Variants in PLPP4 observed in about 807,000 individuals in gnomAD.
PLPP4 encodes the protein phospholipid phosphatase 4.
In PLPP4, 20 loss-of-function variants were observed where a neutral mutation model predicts 32.2. The observed-to-expected ratio is 0.62, with a 90% confidence interval of 0.44 to 0.90. PLPP4 has a LOEUF of 0.90. PLPP4 is among the 40% of genes least tolerant of loss of function. The probability of loss-of-function intolerance (pLI) is 0.00; values close to 1 mark genes in which losing one functional copy is unlikely to be tolerated. For synonymous variants in PLPP4, 127 were observed against 133.0 expected, an observed-to-expected ratio of 0.95 and a Z score of 0.31; for missense variants, 257 against 353.1, an observed-to-expected ratio of 0.73 and a Z score of 2.18.
In PLPP4 at chr10:120,575,676, A is replaced by G. The variant is rs145579761; in HGVS notation, c.616+375A>G. On this transcript the variant is annotated intron_variant, in intron 6 of 6. Coordinates refer to ENST00000398250, the MANE Select transcript of PLPP4 (RefSeq NM_001030059.3). ...GTTTTTGGCTTCCTTTGCTTATCAA[A>G]TCCAGCCTACAAGGACGTATTTGTC... 3.3e-5 allele frequency among the ~76,000 whole-genome samples: 5 copies of G among 152,148 alleles called. No individual in the cohort carries two copies. In the East Asian group the frequency reaches 7.7e-4, roughly 24 times the overall value.
chr10:120,541,899 C>T (rs958475454), intron 5 of PLPP4, among the ~76,000 whole-genome samples: 44 of 152,108 alleles, frequency 2.9e-4, no homozygotes, highest in African/African-American at 1.0e-3. Context: ...CTCAGCCTCC[C>T]GAGTAGCTGA....
At chr10:120,547,558 T>G (rs1847686560) in intron 5 of PLPP4, among the ~76,000 whole-genome samples, 1 of 152,240 alleles carries the variant, frequency 6.6e-6, no homozygotes, top group Non-Finnish European at 1.5e-5. Flanking sequence ...TTCCGTTGTT[T>G]CCATCAACAA....
At chr10:120,457,976 G>C (rs1157551181) in intron 1 of PLPP4, among the ~76,000 whole-genome samples, 1 of 152,252 alleles carries the variant, frequency 6.6e-6, no homozygotes, top group Non-Finnish European at 1.5e-5. Flanking sequence ...GTCCGCTTTG[G>C]GGGCGGAGGC....
chr10:120,525,662 T>C (rs1846357258), intron 5 of PLPP4, among the ~76,000 whole-genome samples: 1 of 152,226 alleles, frequency 6.6e-6, no homozygotes, highest in African/African-American at 2.4e-5. Context: ...CTTTATCTTG[T>C]AGTTTCCCAT....
intron 6 of PLPP4, among the ~76,000 whole-genome samples, chr10:120,588,262 C>CT (rs1385372919): frequency 1.3e-5 from 2 of 152,202 alleles, no homozygotes; most frequent in Non-Finnish European, 2.9e-5. Context: ...ATGTGAGCTG[C>CT]TTTTATGAGG....
chr10:120,476,004 G>A (rs1475051650), intron 1 of PLPP4, among the ~76,000 whole-genome samples: 1 of 152,168 alleles, frequency 6.6e-6, no homozygotes, highest in Non-Finnish European at 1.5e-5. Context: ...GGGTCCTACT[G>A]TGCCAGGCAC....
chr10:120,465,337 T>A (rs1848263194), intron 1 of PLPP4, among the ~76,000 whole-genome samples: 1 of 152,158 alleles, frequency 6.6e-6, no homozygotes, highest in Admixed American at 6.5e-5. Flanking sequence ...TTGGGATGCC[T>A]GGGGCGAGTG....
At chr10:120,520,655 G>C (rs1846110482) in intron 4 of PLPP4, among the ~76,000 whole-genome samples, 2 of 152,130 alleles carry the variant, frequency 1.3e-5, no homozygotes, top group African/African-American at 4.8e-5. Flanking sequence ...CTATCCACAG[G>C]ACCTCAGCTT....
intron 2 of PLPP4, among the ~76,000 whole-genome samples, chr10:120,509,343 C>T (rs1845634514): frequency 6.6e-6 from 1 of 152,188 alleles, no homozygotes; most frequent in Admixed American, 6.5e-5. Context: ...TAGGGCTGAA[C>T]TCACCTCTCC....
At chr10:120,463,509 T>C (rs1429329349) in intron 1 of PLPP4, among the ~76,000 whole-genome samples, 1 of 152,174 alleles carries the variant, frequency 6.6e-6, no homozygotes, top group Non-Finnish European at 1.5e-5. Context: ...CTGGATTTTA[T>C]TAGATAAGAT....
At chr10:120,573,514 C>T (rs1849039631) in intron 5 of PLPP4, among the ~76,000 whole-genome samples, 1 of 152,098 alleles carries the variant, frequency 6.6e-6, no homozygotes, top group South Asian at 2.1e-4. Flanking sequence ...AGCATGCATC[C>T]TAAGTATTGT....
chr10:120,478,999 G>A (rs1000703102), intron 1 of PLPP4, among the ~76,000 whole-genome samples: 8 of 152,316 alleles, frequency 5.3e-5, no homozygotes, highest in African/African-American at 1.9e-4. Context: ...GGCCAAGGTG[G>A]GCAGATCATG....
chr10:120,527,810 A>G (rs1846475910), intron 5 of PLPP4, among the ~76,000 whole-genome samples: 1 of 152,208 alleles, frequency 6.6e-6, no homozygotes, highest in African/African-American at 2.4e-5. Context: ...AAGGAATCTA[A>G]GTAGGTTTTA....
chr10:120,565,315 GGT>G (rs58655566), intron 5 of PLPP4, among the ~76,000 whole-genome samples: 19,591 of 142,368 alleles, frequency 0.14, 1,426 homozygotes, highest in East Asian at 0.19. Flanking sequence ...TTGTTTGTGT[GGT>G]GTGTGTGTGT....
Position 120,515,261 on chromosome 10 carries a change from C to T in PLPP4, c.256+1260C>T, listed in dbSNP as rs112293093. Among the ~76,000 whole-genome samples, 803 of 152,320 alleles carry T rather than the reference C, an allele frequency of 5.3e-3. 6 individuals are homozygous for T. The highest frequency in any genetic ancestry group is 7.2e-3 in the Non-Finnish European group (489 of 68,040). On this transcript the variant is annotated intron_variant, in intron 3 of 6. Coordinates refer to ENST00000398250, the MANE Select transcript of PLPP4 (RefSeq NM_001030059.3). ...CAGGGACTGGAATGGGGAGCTGGGC[C>T]ATCAGGAGGGGAGACCTCCCTCTTG...
chr10:120,495,112 A>T (rs548853412), intron 1 of PLPP4, among the ~76,000 whole-genome samples: 12 of 152,332 alleles, frequency 7.9e-5, no homozygotes, highest in Admixed American at 4.6e-4. Context: ...AAGACATCTG[A>T]CATCTTGTAG....
At chr10:120,488,322 T>G (rs1036443985) in intron 1 of PLPP4, among the ~76,000 whole-genome samples, 1 of 152,218 alleles carries the variant, frequency 6.6e-6, no homozygotes, top group Non-Finnish European at 1.5e-5. Flanking sequence ...AGTGAGTGAA[T>G]GAATGAATGA....
At chr10:120,577,707 G>A (rs1849284328) in intron 6 of PLPP4, among the ~76,000 whole-genome samples, 1 of 152,176 alleles carries the variant, frequency 6.6e-6, no homozygotes, top group Non-Finnish European at 1.5e-5. Flanking sequence ...CAAACTGAAT[G>A]TGCATCTCTT....
chr10:120,467,059 T>C (rs1392276897), intron 1 of PLPP4, among the ~76,000 whole-genome samples: 2 of 152,000 alleles, frequency 1.3e-5, no homozygotes, highest in Admixed American at 1.3e-4. Context: ...AAAAAGAAAT[T>C]GCCAGTATAT....
Sources: gnomAD v4.1 joint callset for allele counts (sites outside exome capture counted in the v4.1 genomes callset) on GRCh38, gnomAD v4.1.1 for gene constraint, MANE v1.5 for transcripts, NCBI Gene and HGNC (gene_info 2026-07-23, HGNC 2026-07-21) for gene names.